Variants in KAT6B observed in about 807,000 individuals in gnomAD.
KAT6B encodes the protein histone acetyltransferase KAT6B.
A neutral mutation model predicts 187.5 loss-of-function variants in KAT6B; 10 were observed. That is an observed-to-expected ratio of 0.05 (90% CI 0.03 to 0.09). The LOEUF (loss-of-function observed/expected upper bound fraction) is 0.09, where lower values mean the gene tolerates loss of function less well. Among genes scored for constraint, KAT6B ranks in the 10% least tolerant of loss-of-function variants. KAT6B has a pLI of 1.00. For missense variants in KAT6B, 1,952 were observed against 2,558.9 expected (o/e 0.76, Z 5.12); for synonymous variants, 861 against 926.8 (o/e 0.93, Z 1.29).
intron 13 of KAT6B, among the ~76,000 whole-genome samples, chr10:75,005,797 A>G (rs769750151): frequency 7.9e-5 from 12 of 152,142 alleles, no homozygotes; most frequent in Non-Finnish European, 1.3e-4. Context: ...AATTATTTAT[A>G]TGGAGTCCTG....
intron 2 of KAT6B, among the ~76,000 whole-genome samples, chr10:74,839,926 C>T (rs1841604570): frequency 6.6e-6 from 1 of 152,082 alleles, no homozygotes; most frequent in Non-Finnish European, 1.5e-5. Context: ...AAAGTGAGTA[C>T]TTATTAGATT....
Position 74,976,025 on chromosome 10 carries a change from C to T in KAT6B, c.1688C>T (p.Pro563Leu), listed in dbSNP as rs770143760. ...GGACAGTCTCGCAAAAAGGGACACC[C>T]GAGTTATGCACCACCCAAACGTATG... ...TQGQSRKKGH[P>L]SYAPPKRMRR... The change falls in exon 8 of 18, where the codon CCG becomes CTG. Residue 563 changes from proline (P) to leucine (L), a missense_variant. This residue lies in a region of KAT6B where 417 missense variants were observed against 508.9 expected (regional missense o/e 0.82). Transcript: ENST00000287239. 36 of 1,613,998 alleles carry T rather than the reference C, an allele frequency of 2.2e-5. No homozygotes were observed. The highest frequency in any genetic ancestry group is 1.3e-4 in the South Asian group (12 of 91,064).
Position 74,976,208 on chromosome 10 carries a change from C to CT in KAT6B, c.1874dup (p.Leu626ProfsTer2). ...GCAATTGCTCACTTCAAGCGAACAACTTTCCTTAAAAAGCACAGGATGCTA... is the reference window on the plus strand; with the variant it reads ...GCAATTGCTCACTTCAAGCGAACAACTTTTCCTTAAAAAGCACAGGATGCTA... On this transcript the variant is annotated frameshift_variant, in exon 8 of 18. Transcript: ENST00000287239. LOFTEE classifies it high-confidence loss of function. 1 of 1,614,146 alleles carries CT rather than the reference C, an allele frequency of 6.2e-7. No individual in the cohort carries two copies. The highest frequency in any genetic ancestry group is 8.5e-7 in the Non-Finnish European group (1 of 1,180,022).
intron 4 of KAT6B, 85 bp from the exon 5 acceptor site, chr10:74,969,575 G>C (rs1171696737): frequency 3.9e-6 from 3 of 775,886 alleles, no homozygotes; most frequent in Middle Eastern, 2.7e-4. Context: ...AGCCTCATCA[G>C]CTATCTATTA....
At chr10:74,852,716 C>T (rs537845030) in intron 3 of KAT6B, among the ~76,000 whole-genome samples, 1 of 152,288 alleles carries the variant, frequency 6.6e-6, no homozygotes, top group South Asian at 2.1e-4. Context: ...AAAGTAGAAA[C>T]ATTATGTCAA....
At position 75,020,771 on chromosome 10, in the gene KAT6B, C is replaced by T. The variant is rs755955117; in HGVS notation, c.2819C>T (p.Thr940Ile). 1.2e-6 allele frequency: 2 copies of T among 1,614,168 alleles called. No homozygotes were observed. The highest frequency in any genetic ancestry group is 1.1e-5 in the South Asian group (1 of 91,074). Residue 940 changes from threonine to isoleucine, a missense_variant, in exon 14 of 18, where the codon ACC becomes ATC. By Grantham distance (89) the Thr-to-Ile change is moderately conservative (BLOSUM62 -1). Transcript: ENST00000287239. ...GGCATGTGCCCACATGACATTGCCA[C>T]CACTCTGCAGCACCTCCACATGATC... ...ATGMCPHDIA[T>I]TLQHLHMIDK...
At chr10:74,993,019 C>A (rs551129553) in intron 13 of KAT6B, among the ~76,000 whole-genome samples, 1 of 152,304 alleles carries the variant, frequency 6.6e-6, no homozygotes, top group African/African-American at 2.4e-5. Flanking sequence ...TCTTCCCCAT[C>A]TCTGTCTGTA....
intron 16 of KAT6B, 23 bp downstream of exon 16, chr10:75,022,254 T>C (rs1034584167): frequency 3.1e-6 from 5 of 1,612,754 alleles, no homozygotes; most frequent in Non-Finnish European, 4.2e-6. Flanking sequence ...TTAGATTTTC[T>C]GTGAGTCGCG....
rs765834987 is a variant in KAT6B, at chr10:75,020,742, G to A, written c.2790G>A (p.Ala930=). The A allele has an allele frequency of 3.5e-5, 56 of 1,614,066 alleles. No individual in the cohort carries two copies. Among genetic ancestry groups the A allele is most frequent in the Non-Finnish European group, 4.1e-5 (48 of 1,180,050 alleles). Residue 930 remains alanine, a synonymous_variant, in exon 14 of 18, where the codon GCG becomes GCA. Coordinates refer to ENST00000287239, the MANE Select transcript of KAT6B (RefSeq NM_012330.4). ...TCAGCATCAAGGCAATTAGCAGAGCGACGGGCATGTGCCCACATGACATTG... is the reference window on the plus strand; with the variant it reads ...TCAGCATCAAGGCAATTAGCAGAGCAACGGGCATGTGCCCACATGACATTG... The part of the protein sequence containing the change: ...RHISIKAISR[A]TGMCPHDIAT...
At chr10:74,878,503 C>G (rs2132489706) in intron 3 of KAT6B, among the ~76,000 whole-genome samples, 1 of 151,714 alleles carries the variant, frequency 6.6e-6, no homozygotes, top group Middle Eastern at 3.4e-3. Flanking sequence ...GCCTGTAATC[C>G]CAGCTACTCG....
chr10:74,988,346 A>G (rs1589761556), intron 12 of KAT6B, among the ~76,000 whole-genome samples: 1 of 152,190 alleles, frequency 6.6e-6, no homozygotes, highest in African/African-American at 2.4e-5. Context: ...TGTTCTACCC[A>G]GTCTTCCTCC....
rs529491150 is a variant in KAT6B, at chr10:75,007,003, G to A, written c.2630-13579G>A. On this transcript the variant is annotated intron_variant, in intron 13 of 17. Coordinates refer to ENST00000287239, the MANE Select transcript of KAT6B (RefSeq NM_012330.4). The stretch of plus-strand genomic sequence containing the variant: ...GCATCCCTTGAACCCGGGAGGCGGA[G>A]GTTGCAGTGAGCTGAGATCGTGCCA... 2.0e-5 allele frequency among the ~76,000 whole-genome samples: 3 copies of A among 151,532 alleles called. No individual in the cohort carries two copies. The South Asian group carries it at 6.3e-4, about 32-fold the overall frequency.
intron 3 of KAT6B, among the ~76,000 whole-genome samples, chr10:74,850,840 T>G (rs1842430964): frequency 6.6e-6 from 1 of 152,218 alleles, no homozygotes; most frequent in South Asian, 2.1e-4. Context: ...CCATTTAAAA[T>G]AAATTCCATA....
At chr10:74,948,563 C>T (rs1840100201) in intron 3 of KAT6B, among the ~76,000 whole-genome samples, 1 of 152,182 alleles carries the variant, frequency 6.6e-6, no homozygotes, top group Non-Finnish European at 1.5e-5. Flanking sequence ...TTTCTCTTGG[C>T]AGGATTAATA....
At chr10:74,885,980 C>T (rs1046446680) in intron 3 of KAT6B, among the ~76,000 whole-genome samples, 1 of 152,172 alleles carries the variant, frequency 6.6e-6, no homozygotes, top group Non-Finnish European at 1.5e-5. Context: ...ATCCTCCCAC[C>T]TTGGCCTCCC....
intron 3 of KAT6B, among the ~76,000 whole-genome samples, chr10:74,929,418 A>C (rs959180409): frequency 2.0e-5 from 3 of 152,224 alleles, no homozygotes; most frequent in African/African-American, 7.2e-5. Flanking sequence ...TTCAGTGAAC[A>C]TAAAGTATTT....
At chr10:74,832,775 T>C (rs1014184650) in intron 1 of KAT6B, among the ~76,000 whole-genome samples, 9 of 152,122 alleles carry the variant, frequency 5.9e-5, no homozygotes, top group Non-Finnish European at 7.4e-5. Flanking sequence ...GCTGGGATTA[T>C]AGGCATAAGC....
intron 3 of KAT6B, among the ~76,000 whole-genome samples, chr10:74,855,387 G>A (rs1462269857): frequency 6.6e-6 from 1 of 152,134 alleles, no homozygotes; most frequent in Non-Finnish European, 1.5e-5. Flanking sequence ...GTATGATGAA[G>A]TTTAAGAAAC....
At chr10:74,870,684 T>G (rs1843864717) in intron 3 of KAT6B, among the ~76,000 whole-genome samples, 1 of 152,102 alleles carries the variant, frequency 6.6e-6, no homozygotes, top group Non-Finnish European at 1.5e-5. Context: ...GTTCAGGCGA[T>G]TCTCCTGCCT....
Sources: gnomAD v4.1 joint callset for allele counts (sites outside exome capture counted in the v4.1 genomes callset) on GRCh38, gnomAD v4.1.1 for gene constraint, gnomAD v4.1.1 regional missense constraint, MANE v1.5 for transcripts, NCBI Gene and HGNC (gene_info 2026-07-23, HGNC 2026-07-21) for gene names.